Variants in SIPA1L1 observed in about 807,000 individuals in gnomAD.
SIPA1L1 encodes the protein signal induced proliferation associated 1 like 1, also known as signal-induced proliferation-associated 1-like protein 1.
Under a neutral mutation model 162.7 loss-of-function variants are expected in SIPA1L1, and 26 were observed. The ratio of observed to expected loss-of-function variants is 0.16; its 90% CI spans 0.12 to 0.22. The LOEUF (loss-of-function observed/expected upper bound fraction) is 0.22, where lower values mean the gene tolerates loss of function less well. Among genes scored for constraint, SIPA1L1 ranks in the 10% least tolerant of loss-of-function variants. The pLI is 1.00. For missense variants in SIPA1L1, 1,874 were observed against 2,241.0 expected (o/e 0.84, Z 3.31); for synonymous variants, 829 against 837.4 (o/e 0.99, Z 0.17).
At chr14:71,386,263 C>T (rs980824894) in intron 2 of SIPA1L1, among the ~76,000 whole-genome samples, 2 of 152,104 alleles carry the variant, frequency 1.3e-5, no homozygotes, top group African/African-American at 4.8e-5. Flanking sequence ...ACTTGGATTC[C>T]AATGTTGGAG....
chr14:71,439,921 A>G (rs2044698878), intron 2 of SIPA1L1, among the ~76,000 whole-genome samples: 1 of 152,066 alleles, frequency 6.6e-6, no homozygotes, highest in African/African-American at 2.4e-5. Flanking sequence ...TTTAGAAGCC[A>G]CTCCCTATTA....
At chr14:71,405,766 C>T (rs945632089) in intron 2 of SIPA1L1, among the ~76,000 whole-genome samples, 1 of 152,184 alleles carries the variant, frequency 6.6e-6, no homozygotes, top group Non-Finnish European at 1.5e-5. Context: ...GTAATGATGT[C>T]TTTTATCTCT....
chr14:71,487,385 A>G (rs867495093), intron 2 of SIPA1L1, among the ~76,000 whole-genome samples: 7 of 152,308 alleles, frequency 4.6e-5, no homozygotes, highest in South Asian at 2.1e-4. Context: ...AAATACTCCA[A>G]ACAGTGCCTG....
chr14:71,671,736 TAA>T, intron 11 of SIPA1L1, 44 bp downstream of exon 11: 1 of 1,471,006 alleles, frequency 6.8e-7, no homozygotes. Flanking sequence ...TTCTCTTTCA[TAA>T]AGTTTTCAAT....
At chr14:71,681,152 C>T (rs1054660734) in intron 12 of SIPA1L1, among the ~76,000 whole-genome samples, 1 of 152,202 alleles carries the variant, frequency 6.6e-6, no homozygotes, top group Non-Finnish European at 1.5e-5. Flanking sequence ...GCCTGATGGA[C>T]ACAGTCCTGG....
intron 2 of SIPA1L1, among the ~76,000 whole-genome samples, chr14:71,393,977 A>G (rs1426628633): frequency 6.6e-6 from 1 of 152,266 alleles, no homozygotes; most frequent in Admixed American, 6.5e-5. Flanking sequence ...AATGAGAGGT[A>G]AATTTTCAGG....
intron 4 of SIPA1L1, among the ~76,000 whole-genome samples, chr14:71,544,349 A>G (rs772223613): frequency 7.9e-5 from 12 of 151,948 alleles, no homozygotes; most frequent in Non-Finnish European, 1.8e-4. Context: ...GTGTGTATAT[A>G]CATGTATCAT....
At chr14:71,548,991 GT>G (rs1433936537) in intron 4 of SIPA1L1, among the ~76,000 whole-genome samples, 1 of 151,770 alleles carries the variant, frequency 6.6e-6, no homozygotes, top group African/African-American at 2.4e-5. Context: ...CAATTCAGAG[GT>G]TACTATTAAT....
chr14:71,424,714 T>G (rs2043435922), intron 2 of SIPA1L1, among the ~76,000 whole-genome samples: 1 of 152,110 alleles, frequency 6.6e-6, no homozygotes, highest in East Asian at 1.9e-4. Context: ...TCATTAGAGA[T>G]AATGGTCTCC....
intron 5 of SIPA1L1, among the ~76,000 whole-genome samples, chr14:71,603,205 T>A (rs145000255): frequency 2.1e-4 from 32 of 152,174 alleles, no homozygotes; most frequent in African/African-American, 7.2e-4. Context: ...ACCTTTTTTA[T>A]CCTATTACTG....
At chr14:71,711,482 G>C (rs148418040) in intron 17 of SIPA1L1, among the ~76,000 whole-genome samples, 1 of 152,332 alleles carries the variant, frequency 6.6e-6, no homozygotes, top group Non-Finnish European at 1.5e-5. Context: ...ATTTTGAAAG[G>C]AGGATGCCTT....
chr14:71,555,278 G>T (rs773216728), intron 4 of SIPA1L1, among the ~76,000 whole-genome samples: 27 of 152,150 alleles, frequency 1.8e-4, no homozygotes, highest in Middle Eastern at 3.2e-3. Context: ...AGATCTTCTG[G>T]ATAACTTGCT....
chr14:71,597,824 C>T (rs1016433278), intron 5 of SIPA1L1, among the ~76,000 whole-genome samples: 18 of 152,168 alleles, frequency 1.2e-4, no homozygotes, highest in African/African-American at 4.1e-4. Flanking sequence ...TTTAGATGCT[C>T]TCCCACCACT....
At chr14:71,373,885 A>G (rs1021517139) in intron 2 of SIPA1L1, among the ~76,000 whole-genome samples, 7 of 152,016 alleles carry the variant, frequency 4.6e-5, no homozygotes, top group Non-Finnish European at 1.0e-4. Context: ...GGGTAACATA[A>G]TGAAATGTCC....
At chr14:71,695,456 G>T (rs1448728077) in intron 13 of SIPA1L1, among the ~76,000 whole-genome samples, 1 of 152,200 alleles carries the variant, frequency 6.6e-6, no homozygotes, top group Non-Finnish European at 1.5e-5. Context: ...CTGAGGTTGA[G>T]AACTAGCCTG....
chr14:71,633,394 G>A lies in SIPA1L1; in HGVS notation c.1818+9158G>A, dbSNP rs564656305. ...TCACCATGTTGGCTAGGATGGTCTC[G>A]ATCTCTTGACCTCATGATCCTCCTG... On this transcript the variant is annotated intron_variant, in intron 7 of 23. Transcript: ENST00000381232. Among the ~76,000 whole-genome samples the A allele has an allele frequency of 3.3e-5, 5 of 152,126 alleles. No homozygotes were observed. The East Asian group carries it at 7.7e-4, about 24-fold the overall frequency.
At chr14:71,489,211 T>G (rs1020795364) in intron 2 of SIPA1L1, among the ~76,000 whole-genome samples, 6 of 152,164 alleles carry the variant, frequency 3.9e-5, no homozygotes, top group African/African-American at 1.4e-4. Flanking sequence ...CTTTGGTACA[T>G]TTGGGGCCTA....
intron 9 of SIPA1L1, among the ~76,000 whole-genome samples, chr14:71,660,280 G>T (rs928585503): frequency 6.6e-6 from 1 of 152,036 alleles, no homozygotes; most frequent in South Asian, 2.1e-4. Context: ...ACGTCTGTTT[G>T]TATATCATAT....
At chr14:71,523,646 G>A (rs1236064961) in intron 3 of SIPA1L1, among the ~76,000 whole-genome samples, 1 of 152,154 alleles carries the variant, frequency 6.6e-6, no homozygotes, top group Non-Finnish European at 1.5e-5. Context: ...AACCTGTGGT[G>A]TTTGTCAAAT....
Sources: gnomAD v4.1 joint callset for allele counts (sites outside exome capture counted in the v4.1 genomes callset) on GRCh38, gnomAD v4.1.1 for gene constraint, MANE v1.5 for transcripts, NCBI Gene and HGNC (gene_info 2026-07-23, HGNC 2026-07-21) for gene names.